The following ZNF578 variants were observed in gnomAD, a reference collection of about 807,000 sequenced individuals.
ZNF578 encodes zinc finger protein 578.
In ZNF578, 8 loss-of-function variants were observed where a neutral mutation model predicts 8.3. The ratio of observed to expected loss-of-function variants is 0.96; its 90% CI spans 0.56 to 1.74. The LOEUF (loss-of-function observed/expected upper bound fraction) is 1.74. Ranked by LOEUF, ZNF578 falls within the 40% of genes most tolerant of loss-of-function variation. The probability of loss-of-function intolerance (pLI) is 0.00; values close to 1 mark genes in which losing one functional copy is unlikely to be tolerated. For synonymous variants in ZNF578, 206 were observed against 232.2 expected (o/e 0.89, Z 1.03); for missense variants, 726 against 707.5 (o/e 1.03, Z -0.30).
chr19:52,464,900 A>G (rs1160956992), intron 2 of ZNF578, among the ~76,000 whole-genome samples: 2 of 152,176 alleles, frequency 1.3e-5, no homozygotes. Flanking sequence ...CAGTCTTTTT[A>G]AATCTATAAT....
At chr19:52,501,336 C>A (rs558620719) in intron 3 of ZNF578, among the ~76,000 whole-genome samples, 1 of 152,326 alleles carries the variant, frequency 6.6e-6, no homozygotes, top group Admixed American at 6.5e-5. Flanking sequence ...GAGCATTTTG[C>A]AAATAGAGCT....
At chr19:52,466,967 T>C (rs1215686032) in intron 2 of ZNF578, among the ~76,000 whole-genome samples, 1 of 152,146 alleles carries the variant, frequency 6.6e-6, no homozygotes, top group Non-Finnish European at 1.5e-5. Flanking sequence ...CATGTTGTTA[T>C]CCTTGAACTC....
chr19:52,509,874 T>G (rs560207861), intron 5 of ZNF578, among the ~76,000 whole-genome samples: 10 of 151,980 alleles, frequency 6.6e-5, no homozygotes, highest in Non-Finnish European at 1.2e-4. Context: ...TTTTTTTTTC[T>G]TTTTTTTCCT....
intron 5 of ZNF578, among the ~76,000 whole-genome samples, chr19:52,507,113 C>T (rs933888112): frequency 1.3e-5 from 2 of 152,070 alleles, no homozygotes; most frequent in African/African-American, 4.8e-5. Flanking sequence ...ACTGGATGGT[C>T]GTGATGGCTC....
chr19:52,506,747 T>C (rs1364057324), intron 5 of ZNF578, among the ~76,000 whole-genome samples: 3 of 152,236 alleles, frequency 2.0e-5, no homozygotes, highest in African/African-American at 7.2e-5. Flanking sequence ...GCCTGGCTAA[T>C]TTTTGTATTT....
intron 1 of ZNF578, chr19:52,454,404 A>AG (rs994390729): frequency 6.6e-6 from 1 of 152,196 alleles, no homozygotes. Context: ...CACAGATTAA[A>AG]GGCTCAGTCC....
At chr19:52,509,143 C>G (rs192468240) in intron 5 of ZNF578, among the ~76,000 whole-genome samples, 19 of 152,032 alleles carry the variant, frequency 1.2e-4, no homozygotes, top group Admixed American at 6.6e-4. Flanking sequence ...ACCTCGTGCT[C>G]CACTTGCCTC....
chr19:52,453,744 C>T (rs902631557), intron 1 of ZNF578, 137 bp downstream of exon 1: 5 of 152,268 alleles, frequency 3.3e-5, no homozygotes, highest in African/African-American at 1.2e-4. Context: ...CCAAGAAATT[C>T]GGAGGTTAAA....
chr19:52,515,196 TC>T lies in ZNF578; in HGVS notation c.*3043del, dbSNP rs1271799128. ...GCAGGCTGGTCTTGAACTCCTGACT[TC>T]AGGTGATCTGCCCACCTCGACCTCC... is the stretch of plus-strand genomic sequence containing the variant. On this transcript the variant is annotated 3_prime_UTR_variant, in exon 6 of 6. Coordinates refer to ENST00000421239, the MANE Select transcript of ZNF578 (RefSeq NM_001099694.2). 6.6e-6 allele frequency among the ~76,000 whole-genome samples: 1 copy of T among 152,022 alleles called. No individual in the cohort carries two copies. The highest frequency in any genetic ancestry group is 2.4e-5 in the African/African-American group (1 of 41,400).
chr19:52,472,978 A>G (rs980920715), intron 2 of ZNF578, among the ~76,000 whole-genome samples: 1 of 152,236 alleles, frequency 6.6e-6, no homozygotes, highest in African/African-American at 2.4e-5. Flanking sequence ...ATACATTAAT[A>G]TAAGAGAACC....
At chr19:52,510,277 G>C (rs1223601328) in intron 5 of ZNF578, among the ~76,000 whole-genome samples, 1 of 151,662 alleles carries the variant, frequency 6.6e-6, no homozygotes, top group Non-Finnish European at 1.5e-5. Context: ...TTTGCAAACT[G>C]TGATACACTG....
At chr19:52,494,922 C>T (rs2059380397) in intron 3 of ZNF578, among the ~76,000 whole-genome samples, 1 of 152,170 alleles carries the variant, frequency 6.6e-6, no homozygotes, top group Non-Finnish European at 1.5e-5. Flanking sequence ...GCCTCGACCT[C>T]CTAGGCTCAA....
At chr19:52,491,827 T>A (rs2059366018) in intron 3 of ZNF578, among the ~76,000 whole-genome samples, 1 of 152,104 alleles carries the variant, frequency 6.6e-6, no homozygotes, top group South Asian at 2.1e-4. Flanking sequence ...TGGATCCCTA[T>A]GTTACACCAT....
chr19:52,489,175 AGGAGAATCTCTTTAG>A (rs2059356467), intron 2 of ZNF578, among the ~76,000 whole-genome samples: 1 of 91,144 alleles, frequency 1.1e-5, no homozygotes, highest in Non-Finnish European at 2.7e-5. Flanking sequence ...AGGCTGAGGC[AGGAGAATCTCTTTAG>A]GCAGGAGAAT....
At chr19:52,484,825 A>G (rs1041094866) in intron 2 of ZNF578, among the ~76,000 whole-genome samples, 48 of 150,684 alleles carry the variant, frequency 3.2e-4, no homozygotes, top group Non-Finnish European at 6.4e-4. Context: ...CAAATCCTAT[A>G]AAACGGCCCC....
intron 2 of ZNF578, chr19:52,458,430 G>T (rs2059245888): frequency 1.6e-5 from 2 of 122,580 alleles, no homozygotes; most frequent in African/African-American, 3.6e-5. Flanking sequence ...GTGAAATTTT[G>T]CCCTCATTAA....
chr19:52,507,298 G>A (rs986715681), intron 5 of ZNF578, among the ~76,000 whole-genome samples: 28 of 152,166 alleles, frequency 1.8e-4, no homozygotes, highest in Non-Finnish European at 3.1e-4. Context: ...TGAGATGGGA[G>A]AATCACTTGA....
chr19:52,506,566 A>T lies in ZNF578; in HGVS notation c.190+1785A>T, dbSNP rs149419754. 2.7e-3 allele frequency among the ~76,000 whole-genome samples: 401 copies of T among 149,084 alleles called. 1 individual carries two copies. Among genetic ancestry groups the T allele is most frequent in the African/African-American group, 9.4e-3 (381 of 40,528 alleles). On this transcript the variant is annotated intron_variant, in intron 5 of 5. Transcript: ENST00000421239. ...TAGTGCAACCTCCACCTCCCAGGTC[A>T]GGCAATCTCCTACCTCAGCCTTCTG...
chr19:52,504,698 C>T lies in ZNF578; in HGVS notation c.107C>T (p.Ala36Val), dbSNP rs2059419197. ...FRDVAIEFSL[A>V]EWKFLNPAQR... Reference sequence around the variant, plus strand: ...GATGTGGCTATAGAATTCTCATTGGCAGAGTGGAAATTCCTGAACCCTGCG... The same window carrying T: ...GATGTGGCTATAGAATTCTCATTGGTAGAGTGGAAATTCCTGAACCCTGCG... The change falls in exon 5 of 6, where the codon GCA (alanine) becomes GTA (valine). Residue 36 changes from alanine to valine, a missense_variant. By Grantham distance (64) the Ala-to-Val change is moderately conservative. Transcript: ENST00000421239. 4 of 1,613,918 alleles carry T rather than the reference C, an allele frequency of 2.5e-6. No individual in the cohort carries two copies. Among genetic ancestry groups the T allele is most frequent in the Non-Finnish European group, 1.7e-6 (2 of 1,180,014 alleles).
Sources: allele counts gnomAD v4.1 joint callset (sites outside exome capture counted in the v4.1 genomes callset), GRCh38; gene constraint gnomAD v4.1.1; transcripts MANE v1.5; gene names NCBI Gene and HGNC (gene_info 2026-07-23, HGNC 2026-07-21).